Variants in ZSCAN25 observed in about 807,000 individuals in gnomAD.
ZSCAN25 encodes the protein zinc finger and SCAN domain containing 25.
ZSCAN25 carries 27 observed loss-of-function variants against 38.7 expected under a neutral mutation model. The observed-to-expected ratio is 0.70, with a 90% CI of 0.51 to 0.96. ZSCAN25 has a LOEUF of 0.96. Ranked by LOEUF, ZSCAN25 falls within the 40% of genes least tolerant of loss-of-function variation. The pLI, the probability that ZSCAN25 is intolerant of heterozygous loss-of-function variation, is 0.00. For missense variants in ZSCAN25, 637 were observed against 705.9 expected (o/e 0.90, Z 1.11); for synonymous variants, 273 against 277.7 (o/e 0.98, Z 0.17).
the ZSCAN25 span, among the ~76,000 whole-genome samples, chr7:99,668,786 T>G: frequency 2.0e-5 from 3 of 152,258 alleles, no homozygotes; most frequent in African/African-American, 7.2e-5. Context: ...TCGCCATTTG[T>G]ACGCATGTGT....
At chr7:99,638,365 T>C in the ZSCAN25 span, 10 of 1,601,900 alleles carry the variant, frequency 6.2e-6, no homozygotes, top group Non-Finnish European at 7.7e-6. Flanking sequence ...TTCTCCTGGA[T>C]CTTGTGGGGT....
At chr7:99,689,828 T>C in the ZSCAN25 span, among the ~76,000 whole-genome samples, 1 of 152,262 alleles carries the variant, frequency 6.6e-6, no homozygotes. Context: ...GATCATTCCG[T>C]GCTCATGGGT....
the ZSCAN25 span, among the ~76,000 whole-genome samples, chr7:99,658,649 T>C: frequency 6.6e-6 from 1 of 152,238 alleles, no homozygotes; most frequent in African/African-American, 2.4e-5. Flanking sequence ...ATTGGGGAAG[T>C]TCTCCTGGAT....
chr7:99,707,769 ATAAT>A, the ZSCAN25 span: 1 of 1,612,028 alleles, frequency 6.2e-7, no homozygotes. Context: ...TTCAGTTAAA[ATAAT>A]TGTTAATAAA....
chr7:99,672,472 C>T, the ZSCAN25 span: 4 of 949,758 alleles, frequency 4.2e-6, no homozygotes, highest in Non-Finnish European at 6.7e-6. Context: ...TACATGGAAC[C>T]TTCCTGTACA....
At chr7:99,699,843 T>TC in the ZSCAN25 span, 1 of 677,674 alleles carries the variant, frequency 1.5e-6, no homozygotes, top group Admixed American at 2.2e-5. Flanking sequence ...GTTTGTAGCA[T>TC]CCAAGAAGCT....
the ZSCAN25 span, among the ~76,000 whole-genome samples, chr7:99,719,889 C>T: frequency 6.6e-5 from 10 of 152,048 alleles, no homozygotes; most frequent in African/African-American, 1.9e-4. Context: ...CCCAGCTACT[C>T]GGGAGGTGGA....
At chr7:99,724,279 T>C in the ZSCAN25 span, among the ~76,000 whole-genome samples, 1 of 152,218 alleles carries the variant, frequency 6.6e-6, no homozygotes, top group Non-Finnish European at 1.5e-5. Context: ...CCGCTTGGCC[T>C]CAATACAAAC....
At chr7:99,642,405 C>A in the ZSCAN25 span, among the ~76,000 whole-genome samples, 1 of 152,300 alleles carries the variant, frequency 6.6e-6, no homozygotes, top group African/African-American at 2.4e-5. Context: ...CAATAGTCCT[C>A]ACTGTGGTCA....
At chr7:99,711,590 G>A in the ZSCAN25 span, among the ~76,000 whole-genome samples, 2 of 152,158 alleles carry the variant, frequency 1.3e-5, no homozygotes, top group African/African-American at 2.4e-5. Context: ...CCAACATGGA[G>A]AAACCCCTTC....
chr7:99,682,268 C>G, the ZSCAN25 span, among the ~76,000 whole-genome samples: 130 of 152,228 alleles, frequency 8.5e-4, 2 homozygotes, highest in Non-Finnish European at 1.1e-3. Context: ...CGGCACTCAG[C>G]CAGGTTTCAG....
chr7:99,627,937 T>A (rs1807637023), intron 7 of ZSCAN25, among the ~76,000 whole-genome samples: 1 of 151,932 alleles, frequency 6.6e-6, no homozygotes, highest in African/African-American at 2.4e-5. Flanking sequence ...TGAATGCTGT[T>A]TACGTGGTTG....
chr7:99,637,925 TAA>T, the ZSCAN25 span, among the ~76,000 whole-genome samples: 1 of 151,882 alleles, frequency 6.6e-6, no homozygotes, highest in African/African-American at 2.4e-5. Context: ...TCTCTCGAAA[TAA>T]AAAAAATCAA....
Position 99,621,513 on chromosome 7 carries a change from A to T in ZSCAN25, c.528A>T (p.Pro176=), listed in dbSNP as rs1471652371. The change falls in exon 5 of 8, where the codon CCA becomes CCT. Residue 176 remains proline (P), a synonymous_variant. Coordinates refer to ENST00000394152, the MANE Select transcript of ZSCAN25 (RefSeq NM_145115.3). ...PPGEGVQGPD[P]GTEEQLSQDP... is the part of the protein sequence containing the mutation. ...GGGAAGGAGTTCAAGGTCCAGACCC[A>T]GGTACCGAGGAGCAGCTCAGTCAGG... 1.3e-6 allele frequency: 2 copies of T among 1,564,740 alleles called. No individual in the cohort carries two copies.
intron 5 of ZSCAN25, 162 bp from the exon 6 acceptor site, chr7:99,622,387 C>T (rs1373287359): frequency 2.8e-5 from 20 of 715,368 alleles, no homozygotes; most frequent in East Asian, 2.6e-5. Context: ...CACCCAGGCC[C>T]CTGTGCATGG....
At chr7:99,717,018 G>A in the ZSCAN25 span, among the ~76,000 whole-genome samples, 39 of 152,256 alleles carry the variant, frequency 2.6e-4, no homozygotes, top group African/African-American at 7.7e-4. Flanking sequence ...CCTCCTCATC[G>A]GAGCTGCCCC....
the ZSCAN25 span, chr7:99,713,410 G>T: frequency 1.2e-6 from 2 of 1,609,196 alleles, no homozygotes; most frequent in East Asian, 4.5e-5. Context: ...CACATTTTCA[G>T]AACAAAACCT....
the ZSCAN25 span, chr7:99,722,151 T>C: frequency 1.0e-6 from 1 of 997,910 alleles, no homozygotes; most frequent in Admixed American, 2.3e-5. Context: ...ATACATATCT[T>C]CTTCTTTCAG....
At position 99,630,291 on chromosome 7, in the gene ZSCAN25, G is replaced by A. The variant is rs1005012022; in HGVS notation, c.*271G>A. The A allele has an allele frequency of 1.6e-5, 20 of 1,263,134 alleles. 1 individual carries two copies. The South Asian group carries it at 4.7e-4, about 30-fold the overall frequency. The allele number at this position is 1,263,134 out of a possible 1,614,324, so 78.2% of individuals were successfully genotyped here. On this transcript the variant is annotated 3_prime_UTR_variant, in exon 8 of 8. Transcript: ENST00000394152. ...CAGGCTGAGATTTTCTCCTTCAGTG[G>A]ACTGTCTGTGTCCCCCTGCCGAACA...
Sources: gnomAD v4.1 joint callset for allele counts (sites outside exome capture counted in the v4.1 genomes callset) on GRCh38, gnomAD v4.1.1 for gene constraint, MANE v1.5 for transcripts, NCBI Gene and HGNC (gene_info 2026-07-23, HGNC 2026-07-21) for gene names.